The following TAF2 variants were observed in gnomAD, a reference collection of about 807,000 sequenced individuals.
The protein encoded by TAF2 is TATA-box binding protein associated factor 2.
In TAF2, 61 loss-of-function variants were observed where a neutral mutation model predicts 138.5. That is an observed-to-expected ratio of 0.44 (90% CI 0.36 to 0.54). TAF2 has a LOEUF of 0.54. Ranked by LOEUF, TAF2 falls within the 20% of genes least tolerant of loss-of-function variation. TAF2 has a pLI of 0.00. For synonymous variants in TAF2, 475 were observed against 469.9 expected (o/e 1.01, Z -0.14); for missense variants, 1,090 against 1,427.9 (o/e 0.76, Z 3.81).
intron 16 of TAF2, 117 bp from the exon 17 acceptor site, chr8:119,781,310 C>A: frequency 8.8e-7 from 1 of 1,138,848 alleles, no homozygotes; most frequent in East Asian, 2.5e-5. Context: ...AACAACTTCA[C>A]TTCTCAGAAA....
At chr8:119,748,550 G>A (rs557977341) in intron 22 of TAF2, among the ~76,000 whole-genome samples, 1 of 152,106 alleles carries the variant, frequency 6.6e-6, no homozygotes, top group African/African-American at 2.4e-5. Flanking sequence ...ACAGGCAAGA[G>A]CTACAGACAA....
Position 119,762,581 on chromosome 8 carries a change from T to C in TAF2, c.2392A>G (p.Met798Val). The change falls in exon 19 of 26, where the codon ATG becomes GTG. Residue 798 changes from methionine (M) to valine (V), a missense_variant. Physicochemically the swap from Met to Val is conservative, Grantham distance 21 (BLOSUM62 1). Transcript: ENST00000378164. ...KFSDNYYRAEMIDALANSVTP... is the reference protein window; with the variant it reads ...KFSDNYYRAEVIDALANSVTP... Reference sequence around the variant, plus strand: ...ACAGAGTTGGCCAGGGCATCAATCATTTCTGCACGATAATAGTTATCTGAA... The same window carrying C: ...ACAGAGTTGGCCAGGGCATCAATCACTTCTGCACGATAATAGTTATCTGAA... The C allele has an allele frequency of 6.2e-7, 1 of 1,613,358 alleles. No individual in the cohort carries two copies. The highest frequency in any genetic ancestry group is 8.5e-7 in the Non-Finnish European group (1 of 1,179,628).
rs552793578 is a variant in TAF2, at chr8:119,763,453, G to C, written c.2365-845C>G. The stretch of plus-strand genomic sequence containing the variant: ...GGGACAATAATAGTATTTAAGGCTG[G>C]GAGTGGTGGCTCACGCCTGTAATCC... On this transcript the variant is annotated intron_variant, in intron 18 of 25. Coordinates refer to ENST00000378164, the MANE Select transcript of TAF2 (RefSeq NM_003184.4). 1.9e-3 allele frequency among the ~76,000 whole-genome samples: 284 copies of C among 152,304 alleles called. 2 individuals carry two copies. Among genetic ancestry groups the C allele is most frequent in the African/African-American group, 6.5e-3 (269 of 41,558 alleles).
intron 14 of TAF2, 61 bp downstream of exon 14, chr8:119,788,277 C>T: frequency 3.4e-6 from 5 of 1,450,052 alleles, no homozygotes; most frequent in Non-Finnish European, 4.8e-6. Context: ...TTTATTTTGG[C>T]ATTTTAGTCT....
chr8:119,769,283 A>G (rs1821660949), intron 18 of TAF2, among the ~76,000 whole-genome samples: 1 of 152,174 alleles, frequency 6.6e-6, no homozygotes, highest in Admixed American at 6.5e-5. Flanking sequence ...AATATACTGT[A>G]TAGTTGCACC....
At chr8:119,813,369 G>C (rs1825230141) in intron 3 of TAF2, among the ~76,000 whole-genome samples, 1 of 152,172 alleles carries the variant, frequency 6.6e-6, no homozygotes, top group African/African-American at 2.4e-5. Context: ...AATCCTTATG[G>C]GTGTTAGGTG....
chr8:119,767,295 T>C (rs1215407986), intron 18 of TAF2, among the ~76,000 whole-genome samples: 1 of 152,160 alleles, frequency 6.6e-6, no homozygotes, highest in Non-Finnish European at 1.5e-5. Flanking sequence ...TCAACTATTA[T>C]CATCTTAAGA....
chr8:119,757,662 CA>C (rs1586337803), intron 21 of TAF2, among the ~76,000 whole-genome samples: 1 of 151,204 alleles, frequency 6.6e-6, no homozygotes, highest in Non-Finnish European at 1.5e-5. Flanking sequence ...CCCAAGGGCC[CA>C]AGGGGGTGGA....
chr8:119,796,350 G>T (rs1178122505), intron 8 of TAF2, among the ~76,000 whole-genome samples: 2 of 151,894 alleles, frequency 1.3e-5, no homozygotes, highest in Non-Finnish European at 2.9e-5. Flanking sequence ...ACTATATATA[G>T]TATAGAATGT....
intron 15 of TAF2, 75 bp downstream of exon 15, chr8:119,785,126 T>A: frequency 8.4e-7 from 1 of 1,183,916 alleles, no homozygotes. Flanking sequence ...TATACACTTT[T>A]ACGTACGCAT....
Position 119,792,149 on chromosome 8 carries a change from CTTTT to C in TAF2, c.1278-694_1278-691del, listed in dbSNP as rs905286521. Reference sequence around the variant, plus strand: ...AATGCCTAGAAGAATTTCTTTCTTTCTTTTTTTTTTTTTTTTTCTTTTGAGATAG... The same window carrying C: ...AATGCCTAGAAGAATTTCTTTCTTTCTTTTTTTTTTTTTCTTTTGAGATAG... On this transcript the variant is annotated intron_variant, in intron 10 of 25. Transcript: ENST00000378164. 1.9e-3 allele frequency among the ~76,000 whole-genome samples: 270 copies of C among 138,764 alleles called. 4 individuals carry two copies. The highest frequency in any genetic ancestry group is 6.9e-3 in the African/African-American group (256 of 37,120). 91.0% of individuals were successfully genotyped at this position (138,764 alleles called of 152,430 possible).
chr8:119,760,029 GC>G lies in TAF2; in HGVS notation c.2698+569del, dbSNP rs551836236. On this transcript the variant is annotated intron_variant, in intron 20 of 25. Transcript: ENST00000378164. ...ACTACTGTAGGTCTGCTTCATTTACGCCCCCCCAGAGTATTCTGTTGTTTCT... is the reference window on the plus strand; with the variant it reads ...ACTACTGTAGGTCTGCTTCATTTACGCCCCCCAGAGTATTCTGTTGTTTCT... Among the ~76,000 whole-genome samples, 8 of 151,264 alleles carry G rather than the reference GC, an allele frequency of 5.3e-5. No individual in the cohort carries two copies. The South Asian group carries it at 1.3e-3, about 24-fold the overall frequency.
Position 119,744,361 on chromosome 8 carries a change from A to G in TAF2, c.3141T>C (p.Asp1047=). Residue 1047 remains aspartate (D), a synonymous_variant, in exon 24 of 26, where the codon GAT becomes GAC. Transcript: ENST00000378164. The stretch of plus-strand genomic sequence containing the variant: ...CCTGGCTATCATGAACAGTATCCAT[A>G]TCAATCTCCTCCTCATCTTGAGAAC... The part of the protein sequence containing the change: ...FSSSQDEEEI[D]MDTVHDSQAF... 6.2e-7 allele frequency: 1 copy of G among 1,613,746 alleles called. No individual in the cohort carries two copies. The highest frequency in any genetic ancestry group is 8.5e-7 in the Non-Finnish European group (1 of 1,179,898).
chr8:119,766,375 A>C (rs996888581), intron 18 of TAF2, among the ~76,000 whole-genome samples: 1 of 152,204 alleles, frequency 6.6e-6, no homozygotes, highest in African/African-American at 2.4e-5. Flanking sequence ...ACAACAAAGA[A>C]TTATCCAACC....
intron 22 of TAF2, among the ~76,000 whole-genome samples, chr8:119,753,378 G>A (rs1012103007): frequency 1.3e-5 from 2 of 151,948 alleles, no homozygotes. Context: ...TTATCCCAAA[G>A]GTTCAGGCTT....
At position 119,758,120 on chromosome 8, in the gene TAF2, C is replaced by T; in HGVS notation, c.2721G>A (p.Leu907=). The change falls in exon 21 of 26, where the codon CTG becomes CTA. Residue 907 remains leucine (L), a synonymous_variant. Coordinates refer to ENST00000378164, the MANE Select transcript of TAF2 (RefSeq NM_003184.4). ...TCTGAATCATATTAAGTAGCCATTG[C>T]AGTTCTTCATAACTTCTGTCCACTG... ...YTKVDRSYEE[L]QWLLNMIQND... is the part of the protein sequence containing the mutation. 12 of 1,612,824 alleles carry T rather than the reference C, an allele frequency of 7.4e-6. No homozygotes were observed. Among genetic ancestry groups the T allele is most frequent in the Non-Finnish European group, 1.0e-5 (12 of 1,179,434 alleles).
At chr8:119,761,884 A>C (rs554996803) in intron 19 of TAF2, 1 of 152,554 alleles carries the variant, frequency 6.6e-6, no homozygotes, top group African/African-American at 2.4e-5. Flanking sequence ...TTTAAGAAAA[A>C]GAAGTATTTA....
rs952766537 is a variant in TAF2, at chr8:119,832,553, A to T, written c.12T>A (p.Thr4=). ...TGTTCATTCTGGCGGGCTCTACACC[A>T]GTCAGCGGCATGAAGCGGTCCCGCG... MPL[T]GVEPARMNRK... is the part of the protein sequence containing the mutation. Residue 4 remains threonine, a synonymous_variant, in exon 1 of 26, where the codon ACT becomes ACA. Transcript: ENST00000378164. 1.2e-6 allele frequency: 2 copies of T among 1,613,122 alleles called. No individual in the cohort carries two copies. Among genetic ancestry groups the T allele is most frequent in the African/African-American group, 1.3e-5 (1 of 74,868 alleles).
intron 18 of TAF2, among the ~76,000 whole-genome samples, chr8:119,775,611 G>A (rs1822172816): frequency 6.6e-6 from 1 of 152,040 alleles, no homozygotes; most frequent in Admixed American, 6.6e-5. Flanking sequence ...GCTGAGGCAG[G>A]AGAATCGCTT....
Sources: gnomAD v4.1 joint callset for allele counts (sites outside exome capture counted in the v4.1 genomes callset) on GRCh38, gnomAD v4.1.1 for gene constraint, MANE v1.5 for transcripts, NCBI Gene and HGNC (gene_info 2026-07-23, HGNC 2026-07-21) for gene names.